Variants in FRMD6 observed in about 807,000 individuals in gnomAD.
FRMD6 encodes FERM domain-containing protein 6.
In FRMD6, 37 loss-of-function variants were observed where a neutral mutation model predicts 73.2. The observed-to-expected ratio is 0.51, with a 90% CI of 0.39 to 0.66. FRMD6 has a LOEUF of 0.66. Among genes scored for constraint, FRMD6 ranks in the 30% least tolerant of loss-of-function variants. The pLI, the probability that FRMD6 is intolerant of heterozygous loss-of-function variation, is 0.00. For missense variants in FRMD6, 714 were observed against 780.5 expected (o/e 0.91, Z 1.02); for synonymous variants, 273 against 282.2 (o/e 0.97, Z 0.33).
At chr14:51,409,886 GC>G in the FRMD6 span, among the ~76,000 whole-genome samples, 82 of 152,252 alleles carry the variant, frequency 5.4e-4, no homozygotes, top group African/African-American at 1.9e-3. Context: ...ACCACGCCCG[GC>G]CCAACGCAGT....
chr14:51,697,315 G>T (rs969155589), intron 2 of FRMD6, among the ~76,000 whole-genome samples: 1 of 152,150 alleles, frequency 6.6e-6, no homozygotes, highest in Non-Finnish European at 1.5e-5. Context: ...CATACACACA[G>T]TGGAACACAA....
chr14:51,532,368 CA>C (rs35803305), intron 1 of FRMD6, among the ~76,000 whole-genome samples: 9,224 of 117,406 alleles, frequency 0.079, 288 homozygotes, highest in South Asian at 0.16. Flanking sequence ...GACTCCATCT[CA>C]AAAAAAAAAA....
At chr14:51,466,609 T>C in the FRMD6 span, among the ~76,000 whole-genome samples, 1 of 152,242 alleles carries the variant, frequency 6.6e-6, no homozygotes, top group Non-Finnish European at 1.5e-5. Flanking sequence ...TATTGATGTA[T>C]GTATCTTTTT....
At chr14:51,479,173 A>G in the FRMD6 span, among the ~76,000 whole-genome samples, 23,319 of 152,154 alleles carry the variant, frequency 0.15, 1,932 homozygotes, top group Non-Finnish European at 0.19. Flanking sequence ...GGAAGTAGTG[A>G]GAGTAACTTA....
the FRMD6 span, among the ~76,000 whole-genome samples, chr14:51,479,453 G>A: frequency 2.0e-5 from 3 of 152,170 alleles, no homozygotes; most frequent in African/African-American, 7.2e-5. Flanking sequence ...ATAAATATGA[G>A]CTTAGTCTCT....
the FRMD6 span, among the ~76,000 whole-genome samples, chr14:51,483,008 G>T: frequency 1.3e-5 from 2 of 151,976 alleles, no homozygotes; most frequent in African/African-American, 4.8e-5. Flanking sequence ...GGCCTTGGTT[G>T]GTTTTTAATG....
chr14:51,439,962 C>G, the FRMD6 span, among the ~76,000 whole-genome samples: 1 of 152,042 alleles, frequency 6.6e-6, no homozygotes, highest in African/African-American at 2.4e-5. Context: ...CAACAATTGT[C>G]TGAGCTTCAG....
At chr14:51,537,840 T>C (rs1317684878) in intron 1 of FRMD6, among the ~76,000 whole-genome samples, 1 of 152,230 alleles carries the variant, frequency 6.6e-6, no homozygotes, top group Non-Finnish European at 1.5e-5. Flanking sequence ...CTGCTCATTT[T>C]TTCACTTGGG....
At chr14:51,436,431 T>C in the FRMD6 span, 1 of 517,838 alleles carries the variant, frequency 1.9e-6, no homozygotes. Context: ...TGACATTAAA[T>C]CAAATTGCTG....
At chr14:51,618,132 G>C (rs1197322975) in intron 2 of FRMD6, among the ~76,000 whole-genome samples, 1 of 152,150 alleles carries the variant, frequency 6.6e-6, no homozygotes, top group African/African-American at 2.4e-5. Flanking sequence ...TTATCTGTGA[G>C]AATAACAATT....
At chr14:51,585,939 G>GTGTGTATATATATATATATATATA in intron 2 of FRMD6, among the ~76,000 whole-genome samples, 1 of 31,400 alleles carries the variant, frequency 3.2e-5, no homozygotes, top group African/African-American at 6.8e-5. Flanking sequence ...GTGTGTGTGT[G>GTGTGTATATATATATATATATATA]TATATATATA....
intron 11 of FRMD6, 39 bp downstream of exon 11, chr14:51,720,429 T>C: frequency 6.3e-7 from 1 of 1,592,488 alleles, no homozygotes; most frequent in Non-Finnish European, 8.6e-7. Context: ...CTGTTTAGTC[T>C]CCCAGTTTTT....
chr14:51,624,507 CCTT>C (rs1414834280), intron 2 of FRMD6, among the ~76,000 whole-genome samples: 1 of 152,174 alleles, frequency 6.6e-6, no homozygotes, highest in Non-Finnish European at 1.5e-5. Flanking sequence ...TGAACTATCC[CCTT>C]CTTTCTTCCT....
chr14:51,611,677 G>A (rs1412230828), intron 2 of FRMD6, among the ~76,000 whole-genome samples: 3 of 152,224 alleles, frequency 2.0e-5, no homozygotes. Context: ...TCCAGATGAT[G>A]CGCATGCTGT....
At chr14:51,707,757 T>C (rs1042551796) in intron 6 of FRMD6, among the ~76,000 whole-genome samples, 1 of 152,132 alleles carries the variant, frequency 6.6e-6, no homozygotes, top group Non-Finnish European at 1.5e-5. Flanking sequence ...GTATAAACAA[T>C]TATGTGTACA....
intron 2 of FRMD6, among the ~76,000 whole-genome samples, chr14:51,602,060 C>T (rs1890059561): frequency 9.9e-6 from 1 of 101,102 alleles, no homozygotes; most frequent in African/African-American, 3.7e-5. Flanking sequence ...CCGTTAGCCT[C>T]ACTGGTACAT....
chr14:51,409,066 G>T, the FRMD6 span, among the ~76,000 whole-genome samples: 2 of 152,180 alleles, frequency 1.3e-5, no homozygotes, highest in Non-Finnish European at 2.9e-5. Context: ...CACAGTTTGA[G>T]AGAGACAGTT....
At chr14:51,682,297 A>G (rs913624533) in intron 1 of FRMD6, among the ~76,000 whole-genome samples, 1 of 152,010 alleles carries the variant, frequency 6.6e-6, no homozygotes. Flanking sequence ...TTCTCTGCTT[A>G]TGGTGAATAG....
chr14:51,583,671 G>A (rs1031055954), intron 2 of FRMD6, among the ~76,000 whole-genome samples: 2 of 152,202 alleles, frequency 1.3e-5, no homozygotes, highest in Admixed American at 6.6e-5. Flanking sequence ...CTAAGTAGCA[G>A]AGCTAGGATT....
Sources: gnomAD v4.1 joint callset for allele counts (sites outside exome capture counted in the v4.1 genomes callset) on GRCh38, gnomAD v4.1.1 for gene constraint, MANE v1.5 for transcripts, NCBI Gene and HGNC (gene_info 2026-07-23, HGNC 2026-07-21) for gene names.